The following DTWD2 variants were observed in gnomAD, a reference collection of about 807,000 sequenced individuals.
DTWD2 encodes tRNA-uridine aminocarboxypropyltransferase 2.
In DTWD2, 39 loss-of-function variants were observed where a neutral mutation model predicts 31.8. That is an observed-to-expected ratio of 1.22 (90% confidence interval 0.95 to 1.60). The LOEUF is 1.60. DTWD2 is among the 40% of genes most tolerant of loss of function. The probability of loss-of-function intolerance (pLI) is 0.00; values close to 1 mark genes in which losing one functional copy is unlikely to be tolerated. For synonymous variants in DTWD2, 180 were observed against 142.8 expected (o/e 1.26, Z -1.86); for missense variants, 515 against 381.5 (o/e 1.35, Z -2.92).
intron 4 of DTWD2, among the ~76,000 whole-genome samples, chr5:118,916,222 T>C (rs1296928189): frequency 6.6e-6 from 1 of 152,206 alleles, no homozygotes; most frequent in African/African-American, 2.4e-5. Flanking sequence ...CCTATCTGAT[T>C]TGCCTGTCAC....
At chr5:118,865,728 G>A (rs1752366988) in intron 4 of DTWD2, among the ~76,000 whole-genome samples, 1 of 152,136 alleles carries the variant, frequency 6.6e-6, no homozygotes, top group Admixed American at 6.5e-5. Context: ...GAGCAAAAGT[G>A]TCCTCATTTT....
rs538418251 is a variant in DTWD2 at position 118,916,597 on chromosome 5, G to A, written c.597+11940C>T. ...GGAGAATCACTTGAACCCGGGATGCGGAGGTTGCAGTGAGTGGCAATCGCA... is the reference window on the plus strand; with the variant it reads ...GGAGAATCACTTGAACCCGGGATGCAGAGGTTGCAGTGAGTGGCAATCGCA... On this transcript the variant is annotated intron_variant, in intron 4 of 5. Transcript: ENST00000510708. 8.4e-4 allele frequency among the ~76,000 whole-genome samples: 127 copies of A among 151,670 alleles called. 1 individual carries two copies. The highest frequency in any genetic ancestry group is 2.3e-3 in the South Asian group (11 of 4,792).
chr5:118,855,886 C>A (rs1454291785), intron 4 of DTWD2, among the ~76,000 whole-genome samples: 1 of 152,104 alleles, frequency 6.6e-6, no homozygotes, highest in Non-Finnish European at 1.5e-5. Flanking sequence ...ACTTTTACAA[C>A]ACCTTAATTT....
intron 1 of DTWD2, among the ~76,000 whole-genome samples, chr5:118,968,638 C>G (rs115083276): frequency 3.9e-5 from 6 of 152,190 alleles, no homozygotes; most frequent in African/African-American, 7.2e-5. Context: ...GAGATCCCCC[C>G]CTGAGCCCAC....
intron 1 of DTWD2, among the ~76,000 whole-genome samples, chr5:118,962,822 G>T (rs918442612): frequency 2.0e-5 from 3 of 152,182 alleles, no homozygotes; most frequent in Admixed American, 6.5e-5. Context: ...GCTTAGAGAG[G>T]TTAAGTAACT....
At chr5:118,929,401 T>C (rs1753875237) in intron 3 of DTWD2, among the ~76,000 whole-genome samples, 2 of 152,116 alleles carry the variant, frequency 1.3e-5, no homozygotes, top group Admixed American at 1.3e-4. Context: ...TGCTAAGTGT[T>C]CAAACTGTGT....
At chr5:118,882,181 T>G (rs1190399919) in intron 4 of DTWD2, among the ~76,000 whole-genome samples, 1 of 152,168 alleles carries the variant, frequency 6.6e-6, no homozygotes, top group Non-Finnish European at 1.5e-5. Flanking sequence ...ACAGGCCGCA[T>G]GCAAGTCCAA....
Position 118,949,060 on chromosome 5 carries a change from G to A in DTWD2, c.219-4411C>T, listed in dbSNP as rs376148447. Among the ~76,000 whole-genome samples, 15 of 152,254 alleles carry A rather than the reference G, an allele frequency of 9.9e-5. No individual in the cohort carries two copies. The East Asian group carries it at 1.2e-3, about 12-fold the overall frequency. ...TAGGTAACAGATGAGGAAGAAATTT[G>A]GGCTTTGAAGGAGGATACGCGATAT... On this transcript the variant is annotated intron_variant, in intron 1 of 5. Coordinates refer to ENST00000510708, the MANE Select transcript of DTWD2 (RefSeq NM_173666.4).
chr5:118,930,132 C>G (rs1233778962), intron 3 of DTWD2, among the ~76,000 whole-genome samples: 1 of 152,108 alleles, frequency 6.6e-6, no homozygotes, highest in East Asian at 1.9e-4. Flanking sequence ...TGCCTTTTCT[C>G]CCTTTAATTT....
At chr5:118,920,303 T>A (rs12653554) in intron 4 of DTWD2, among the ~76,000 whole-genome samples, 11,533 of 152,054 alleles carry the variant, frequency 0.076, 1,035 homozygotes, top group East Asian at 0.48. Context: ...TTTCTTTTTT[T>A]AAAAAAGAGA....
intron 4 of DTWD2, among the ~76,000 whole-genome samples, chr5:118,914,323 T>C (rs1166787866): frequency 1.3e-5 from 2 of 152,166 alleles, no homozygotes; most frequent in Non-Finnish European, 2.9e-5. Context: ...CTTTCACCAG[T>C]TGAGGACAAA....
At chr5:118,951,435 G>C (rs1754463243) in intron 1 of DTWD2, among the ~76,000 whole-genome samples, 2 of 152,190 alleles carry the variant, frequency 1.3e-5, no homozygotes. Context: ...ATTGGGAGCA[G>C]AGATTAGAAA....
At chr5:118,905,540 GTTAT>G (rs1283469736) in intron 4 of DTWD2, among the ~76,000 whole-genome samples, 2 of 152,190 alleles carry the variant, frequency 1.3e-5, no homozygotes, top group Admixed American at 6.5e-5. Flanking sequence ...TCTTACAAAT[GTTAT>G]TTGTTTCTCA....
intron 4 of DTWD2, 142 bp from the exon 5 acceptor site, chr5:118,848,360 C>T (rs193298334): frequency 1.5e-4 from 102 of 689,366 alleles, no homozygotes; most frequent in Non-Finnish European, 2.1e-4. Context: ...TTATGTATAA[C>T]ATCCTTTTGT....
intron 4 of DTWD2, among the ~76,000 whole-genome samples, chr5:118,884,996 CAAAAAAAAA>C (rs36042211): frequency 2.6e-4 from 13 of 49,748 alleles, no homozygotes; most frequent in African/African-American, 9.2e-4. Flanking sequence ...ACTCCATCTC[CAAAAAAAAA>C]AAAAAAAAAA....
chr5:118,955,011 A>G (rs1754553442), intron 1 of DTWD2, among the ~76,000 whole-genome samples: 1 of 152,094 alleles, frequency 6.6e-6, no homozygotes, highest in Non-Finnish European at 1.5e-5. Flanking sequence ...TTCCTTTATT[A>G]TATTTTGTGA....
At chr5:118,846,931 C>CAG (rs1211709114) in intron 5 of DTWD2, among the ~76,000 whole-genome samples, 4 of 90,600 alleles carry the variant, frequency 4.4e-5, no homozygotes, top group African/African-American at 3.2e-4. Context: ...CACACACACA[C>CAG]ACACACACAC....
intron 3 of DTWD2, among the ~76,000 whole-genome samples, chr5:118,929,926 T>C (rs1753886469): frequency 6.6e-6 from 1 of 152,208 alleles, no homozygotes; most frequent in African/African-American, 2.4e-5. Context: ...TTCATCTGCA[T>C]AACAAGACCA....
chr5:118,849,419 C>A (rs1218319643), intron 4 of DTWD2, among the ~76,000 whole-genome samples: 2 of 152,212 alleles, frequency 1.3e-5, no homozygotes, highest in African/African-American at 4.8e-5. Flanking sequence ...CACTTTTACA[C>A]TGTTGGTGGG....
Sources: gnomAD v4.1 joint callset for allele counts (sites outside exome capture counted in the v4.1 genomes callset) on GRCh38, gnomAD v4.1.1 for gene constraint, MANE v1.5 for transcripts, NCBI Gene and HGNC (gene_info 2026-07-23, HGNC 2026-07-21) for gene names.